Variants in SCHIP1 observed in about 807,000 individuals in gnomAD.
SCHIP1 encodes the protein schwannomin interacting protein 1, also known as schwannomin-interacting protein 1.
Under a neutral mutation model 29.7 loss-of-function variants are expected in SCHIP1, and 8 were observed. The ratio of observed to expected loss-of-function variants is 0.27; its 90% CI spans 0.16 to 0.49. SCHIP1 has a LOEUF of 0.49. Among genes scored for constraint, SCHIP1 ranks in the 20% least tolerant of loss-of-function variants. The probability of loss-of-function intolerance (pLI) is 0.99; values close to 1 mark genes in which losing one functional copy is unlikely to be tolerated. For missense variants in SCHIP1, 193 were observed against 294.6 expected (o/e 0.66, Z 2.52); for synonymous variants, 76 against 94.9 (o/e 0.80, Z 1.16).
At chr3:159,567,700 A>G in the SCHIP1 span, among the ~76,000 whole-genome samples, 1 of 152,180 alleles carries the variant, frequency 6.6e-6, no homozygotes, top group Non-Finnish European at 1.5e-5. Context: ...ATAGCTATGT[A>G]TACATACACA....
the SCHIP1 span, among the ~76,000 whole-genome samples, chr3:159,743,180 G>A: frequency 5.3e-5 from 8 of 152,178 alleles, no homozygotes; most frequent in Non-Finnish European, 1.0e-4. Context: ...CTAAAGGGTA[G>A]TTGCTCTAGT....
the SCHIP1 span, among the ~76,000 whole-genome samples, chr3:159,464,959 G>A: frequency 2.0e-5 from 3 of 152,026 alleles, no homozygotes; most frequent in African/African-American, 7.2e-5. Context: ...TCTGGATCTC[G>A]TTCTCATGTC....
At chr3:159,467,201 A>G in the SCHIP1 span, among the ~76,000 whole-genome samples, 1 of 152,136 alleles carries the variant, frequency 6.6e-6, no homozygotes, top group Non-Finnish European at 1.5e-5. Flanking sequence ...ACCAAAGAAA[A>G]ACTTCATTAT....
the SCHIP1 span, among the ~76,000 whole-genome samples, chr3:159,767,574 G>A: frequency 6.6e-6 from 1 of 152,156 alleles, no homozygotes; most frequent in Non-Finnish European, 1.5e-5. Flanking sequence ...TATTTAAGTG[G>A]CATTAATACA....
the SCHIP1 span, among the ~76,000 whole-genome samples, chr3:159,383,665 G>C: frequency 2.1e-4 from 24 of 117,012 alleles, 4 homozygotes; most frequent in Admixed American, 1.2e-3. Context: ...GTAGCTTGAT[G>C]GGGATGGCAT....
the SCHIP1 span, among the ~76,000 whole-genome samples, chr3:159,512,477 G>A: frequency 6.6e-6 from 1 of 152,178 alleles, no homozygotes; most frequent in Non-Finnish European, 1.5e-5. Flanking sequence ...ACATGAACAA[G>A]TTTGTGGATG....
At chr3:159,728,220 G>T in the SCHIP1 span, among the ~76,000 whole-genome samples, 1 of 152,060 alleles carries the variant, frequency 6.6e-6, no homozygotes, top group Non-Finnish European at 1.5e-5. Context: ...CCATCATTCT[G>T]GGAGTTGATC....
At chr3:159,678,194 C>T in the SCHIP1 span, among the ~76,000 whole-genome samples, 2 of 152,216 alleles carry the variant, frequency 1.3e-5, no homozygotes, top group Admixed American at 1.3e-4. Context: ...TATTTCCACT[C>T]ACCCAGGTCT....
At chr3:159,423,845 A>C in the SCHIP1 span, among the ~76,000 whole-genome samples, 1 of 151,602 alleles carries the variant, frequency 6.6e-6, no homozygotes, top group African/African-American at 2.4e-5. Context: ...ACGGCCGGAT[A>C]CTCCTCTGAG....
chr3:159,765,156 C>G, the SCHIP1 span: 1 of 1,543,664 alleles, frequency 6.5e-7, no homozygotes, highest in Non-Finnish European at 8.7e-7. Flanking sequence ...GGCCGGGGTG[C>G]GTGCCCACGC....
chr3:159,372,172 C>A, the SCHIP1 span, among the ~76,000 whole-genome samples: 2 of 152,164 alleles, frequency 1.3e-5, no homozygotes, highest in African/African-American at 4.8e-5. Context: ...AAGCTGTTAT[C>A]TCTAATTTCT....
the SCHIP1 span, among the ~76,000 whole-genome samples, chr3:159,751,593 GGAGT>G: frequency 6.6e-6 from 1 of 150,876 alleles, no homozygotes. Flanking sequence ...CACACAGGCT[GGAGT>G]GCAGTGGCAG....
the SCHIP1 span, among the ~76,000 whole-genome samples, chr3:159,404,357 C>T: frequency 6.6e-6 from 1 of 152,136 alleles, no homozygotes; most frequent in African/African-American, 2.4e-5. Flanking sequence ...CAGGTCGTTG[C>T]TCTTCGATGG....
the SCHIP1 span, among the ~76,000 whole-genome samples, chr3:159,781,503 G>T: frequency 2.0e-5 from 3 of 152,228 alleles, no homozygotes; most frequent in Non-Finnish European, 2.9e-5. Context: ...AATTGCTTAT[G>T]TGAAGCTTTT....
intron 1 of SCHIP1, among the ~76,000 whole-genome samples, chr3:159,846,577 T>C (rs1185238591): frequency 6.6e-6 from 1 of 152,232 alleles, no homozygotes; most frequent in Non-Finnish European, 1.5e-5. Context: ...GCCTGGTTTC[T>C]TCCACAGCAG....
the SCHIP1 span, among the ~76,000 whole-genome samples, chr3:159,385,706 G>A: frequency 1.3e-5 from 2 of 151,980 alleles, no homozygotes; most frequent in Non-Finnish European, 2.9e-5. Context: ...GTATTTTAGA[G>A]CATTTTTAAA....
chr3:159,756,826 T>A, the SCHIP1 span, among the ~76,000 whole-genome samples: 2 of 152,128 alleles, frequency 1.3e-5, no homozygotes, highest in African/African-American at 4.8e-5. Context: ...GTTCCACAGA[T>A]CTCTAGGGCA....
the SCHIP1 span, among the ~76,000 whole-genome samples, chr3:159,470,769 T>G: frequency 1.3e-5 from 2 of 152,074 alleles, no homozygotes; most frequent in African/African-American, 4.8e-5. Flanking sequence ...CATTGGTACA[T>G]CCACAAACTG....
chr3:159,277,120 G>T, the SCHIP1 span, among the ~76,000 whole-genome samples: 4 of 151,928 alleles, frequency 2.6e-5, no homozygotes, highest in Non-Finnish European at 5.9e-5. Flanking sequence ...TTTAGTGCTC[G>T]ATCTCTGACT....
Sources: gnomAD v4.1 joint callset for allele counts (sites outside exome capture counted in the v4.1 genomes callset) on GRCh38, gnomAD v4.1.1 for gene constraint, MANE v1.5 for transcripts, NCBI Gene and HGNC (gene_info 2026-07-23, HGNC 2026-07-21) for gene names.